The following PPP1R13B variants were observed in gnomAD, a reference collection of about 807,000 sequenced individuals.
PPP1R13B encodes the protein protein phosphatase 1 regulatory subunit 13B.
PPP1R13B carries 44 observed loss-of-function variants against 119.8 expected under a neutral mutation model. The observed-to-expected ratio is 0.37, with a 90% CI of 0.29 to 0.47. The LOEUF is 0.47. Ranked by LOEUF, PPP1R13B falls within the 20% of genes least tolerant of loss-of-function variation. PPP1R13B has a pLI of 0.99. For missense variants in PPP1R13B, 1,227 were observed against 1,413.5 expected, an observed-to-expected ratio of 0.87 and a Z score of 2.12; for synonymous variants, 542 against 561.5, an observed-to-expected ratio of 0.97 and a Z score of 0.49.
At position 103,742,802 on chromosome 14, in the gene PPP1R13B, G is replaced by A. The variant is rs377480943; in HGVS notation, c.1172C>T (p.Thr391Ile). The A allele has an allele frequency of 1.9e-6, 3 of 1,614,122 alleles. No homozygotes were observed. Among genetic ancestry groups the A allele is most frequent in the Non-Finnish European group, 2.5e-6 (3 of 1,180,032 alleles). The change falls in exon 10 of 17, where the codon ACA becomes ATA. Residue 391 changes from threonine to isoleucine, a missense_variant. Physicochemically the swap from Thr to Ile is moderately conservative, Grantham distance 89. Transcript: ENST00000202556. This position sits in a 1 kb window ranked among gnomAD's most constrained non-coding sequence, Gnocchi z 4.9. ...SKSANDGNWP[T>I]LKQNSSSSVK... ...GGAAGAGCTAGAATTCTGTTTTAAT[G>A]TTGGCCAGTTTCCATCATTAGCTTG...
intron 4 of PPP1R13B, among the ~76,000 whole-genome samples, chr14:103,772,756 TC>T (rs1567111887): frequency 6.6e-6 from 1 of 150,976 alleles, no homozygotes; most frequent in African/African-American, 2.4e-5. Flanking sequence ...CACTGCAACC[TC>T]CACCTCCCAA....
chr14:103,750,938 G>A (rs1004793015), intron 7 of PPP1R13B, among the ~76,000 whole-genome samples: 3 of 151,808 alleles, frequency 2.0e-5, no homozygotes, highest in Admixed American at 6.6e-5. Context: ...GGCAGATCAC[G>A]AGGTCAGGAG....
intron 1 of PPP1R13B, among the ~76,000 whole-genome samples, chr14:103,798,103 C>A (rs1320954345): frequency 2.0e-5 from 3 of 150,900 alleles, no homozygotes; most frequent in African/African-American, 7.3e-5. Context: ...AAAAATCAGA[C>A]ACTATTTTTA....
At position 103,741,870 on chromosome 14, in the gene PPP1R13B, G is replaced by A; in HGVS notation, c.1742C>T (p.Ser581Phe). 1 of 1,614,224 alleles carries A rather than the reference G, an allele frequency of 6.2e-7. No homozygotes were observed. The highest frequency in any genetic ancestry group is 8.5e-7 in the Non-Finnish European group (1 of 1,180,048). ...PQTVNSSSIY[S>F]MYLQQATPPK... ...TGGTGTGGCTTGCTGGAGGTACATG[G>A]AGTATATGGAACTTGAATTCACTGT... Residue 581 changes from serine to phenylalanine, a missense_variant, in exon 11 of 17, where the codon TCC (serine) becomes TTC (phenylalanine). Physicochemically the swap from Ser to Phe is radical, Grantham distance 155. Transcript: ENST00000202556.
intron 4 of PPP1R13B, chr14:103,759,339 T>TC (rs2084750344): frequency 6.6e-6 from 1 of 151,670 alleles, no homozygotes; most frequent in African/African-American, 2.4e-5. Context: ...ATTTTTTTTT[T>TC]TTTTTTTTTT....
intron 4 of PPP1R13B, among the ~76,000 whole-genome samples, chr14:103,772,670 TTTTTC>T (rs1264464958): frequency 1.4e-5 from 2 of 144,934 alleles, no homozygotes; most frequent in Non-Finnish European, 3.0e-5. Context: ...CACCTGTTTC[TTTTTC>T]TTTTTTTTTT....
chr14:103,774,367 C>T (rs940805187), intron 4 of PPP1R13B, among the ~76,000 whole-genome samples: 1 of 152,168 alleles, frequency 6.6e-6, no homozygotes, highest in Non-Finnish European at 1.5e-5. Flanking sequence ...GGCTCTGAAT[C>T]CTTTCACTGT....
At chr14:103,848,288 C>T (rs1400815637), upstream of PPP1R13B, 1 of 985,470 alleles carries the variant, frequency 1.0e-6, no homozygotes, top group African/African-American at 1.7e-5. Flanking sequence ...CAGCATCCCT[C>T]GAGGTCCAGC....
intron 4 of PPP1R13B, among the ~76,000 whole-genome samples, chr14:103,776,667 T>C (rs1043178009): frequency 2.0e-5 from 3 of 152,132 alleles, no homozygotes; most frequent in African/African-American, 7.2e-5. Flanking sequence ...GGTCAGGAGA[T>C]TGAGACCATC....
At chr14:103,746,334 C>G (rs200880597) in intron 9 of PPP1R13B, 39 bp downstream of exon 9, 9 of 1,004,668 alleles carry the variant, frequency 9.0e-6, no homozygotes, top group Non-Finnish European at 1.1e-5. Context: ...ATTCCCTGCT[C>G]ACAAACTCTC....
chr14:103,784,648 C>A (rs1252119203), intron 3 of PPP1R13B, 147 bp downstream of exon 3: 2 of 525,680 alleles, frequency 3.8e-6, no homozygotes, highest in Admixed American at 4.4e-5. Context: ...TAACAGAAGC[C>A]AAAGTAACAT....
At chr14:103,765,986 TTTATTATTATTATTA>T (rs56171368) in intron 4 of PPP1R13B, among the ~76,000 whole-genome samples, 5 of 139,076 alleles carry the variant, frequency 3.6e-5, no homozygotes, top group African/African-American at 1.1e-4. Context: ...AAATTTTTAT[TTTATTATTATTATTA>T]TTATTATTAT....
intron 1 of PPP1R13B, among the ~76,000 whole-genome samples, chr14:103,802,053 C>A (rs940479941): frequency 6.6e-6 from 1 of 152,174 alleles, no homozygotes; most frequent in Non-Finnish European, 1.5e-5. Flanking sequence ...CAGCTCAAAC[C>A]AAGGCCAAGA....
chr14:103,744,481 G>A (rs902736182), intron 9 of PPP1R13B, among the ~76,000 whole-genome samples: 1 of 152,158 alleles, frequency 6.6e-6, no homozygotes, highest in African/African-American at 2.4e-5. Context: ...GACAAATTAC[G>A]TTTGTGTGGC....
intron 1 of PPP1R13B, among the ~76,000 whole-genome samples, chr14:103,819,248 TTAAG>T (rs1476699173): frequency 6.6e-6 from 1 of 152,170 alleles, no homozygotes; most frequent in Admixed American, 6.6e-5. Context: ...TTGGAGGGTT[TTAAG>T]TAAGAAGTGG....
chr14:103,778,119 T>C (rs1404561504), intron 4 of PPP1R13B, among the ~76,000 whole-genome samples: 1 of 149,816 alleles, frequency 6.7e-6, no homozygotes, highest in East Asian at 2.0e-4. Context: ...GCCCAGCTAA[T>C]TTTTTTGTAT....
chr14:103,772,756 T>A (rs1460921275), intron 4 of PPP1R13B, among the ~76,000 whole-genome samples: 3 of 150,976 alleles, frequency 2.0e-5, no homozygotes, highest in African/African-American at 7.3e-5. Flanking sequence ...CACTGCAACC[T>A]CCACCTCCCA....
At chr14:103,792,907 A>G (rs1052445071) in intron 2 of PPP1R13B, among the ~76,000 whole-genome samples, 11 of 151,780 alleles carry the variant, frequency 7.2e-5, no homozygotes, top group Admixed American at 1.3e-4. Context: ...CGTCTCTACT[A>G]AAAAATGCAA....
chr14:103,778,611 G>A (rs1467997896), intron 4 of PPP1R13B, 134 bp downstream of exon 4: 5 of 696,742 alleles, frequency 7.2e-6, no homozygotes, highest in African/African-American at 7.1e-5. Flanking sequence ...TCACCATCTT[G>A]CTCCAGCTGA....
Sources: allele counts gnomAD v4.1 joint callset (sites outside exome capture counted in the v4.1 genomes callset), GRCh38; gene constraint gnomAD v4.1.1; non-coding constraint Gnocchi (gnomAD v3.1); transcripts MANE v1.5; gene names NCBI Gene and HGNC (gene_info 2026-07-23, HGNC 2026-07-21).